Variants in SLC22A15 observed in about 807,000 individuals in gnomAD.
SLC22A15 encodes the protein solute carrier family 22 member 15, also known as flipt 1.
Under a neutral mutation model 62.7 loss-of-function variants are expected in SLC22A15, and 45 were observed. The observed-to-expected ratio is 0.72, with a 90% CI of 0.56 to 0.92. SLC22A15 has a LOEUF of 0.92. Among genes scored for constraint, SLC22A15 ranks in the 40% least tolerant of loss-of-function variants. SLC22A15 has a pLI of 0.00. For missense variants in SLC22A15, 622 were observed against 665.6 expected, an observed-to-expected ratio of 0.93 and a Z score of 0.72; for synonymous variants, 264 against 267.0, an observed-to-expected ratio of 0.99 and a Z score of 0.11.
chr1:116,037,345 A>G lies in SLC22A15; in HGVS notation c.1128A>G (p.Gly376=). ...KRTLSAFLCL[G]GLACLIVMFL... is the part of the protein sequence containing the mutation. ...CATTATCAGCATTTCTGTGCCTAGGAGGACTGGCTTGTCTTATTGTAATGT... is the reference window on the plus strand; with the variant it reads ...CATTATCAGCATTTCTGTGCCTAGGGGGACTGGCTTGTCTTATTGTAATGT... Residue 376 remains glycine (G), a synonymous_variant, in exon 8 of 12, where the codon GGA becomes GGG. Coordinates refer to ENST00000369503, the MANE Select transcript of SLC22A15 (RefSeq NM_018420.3). 6.2e-7 allele frequency: 1 copy of G among 1,613,458 alleles called. No homozygotes were observed. Among genetic ancestry groups the G allele is most frequent in the Non-Finnish European group, 8.5e-7 (1 of 1,179,510 alleles).
intron 1 of SLC22A15, among the ~76,000 whole-genome samples, chr1:115,983,124 A>G (rs1256259567): frequency 6.6e-6 from 1 of 152,228 alleles, no homozygotes; most frequent in East Asian, 1.9e-4. Flanking sequence ...TTCTAAAAAC[A>G]TTTCCAAATA....
intron 1 of SLC22A15, among the ~76,000 whole-genome samples, chr1:115,980,110 G>T (rs1654542155): frequency 6.6e-6 from 1 of 151,442 alleles, no homozygotes; most frequent in South Asian, 2.1e-4. Context: ...TTGCAGAAGA[G>T]GAAACTGTAA....
intron 3 of SLC22A15, among the ~76,000 whole-genome samples, chr1:116,020,333 A>T (rs1289186803): frequency 6.6e-6 from 1 of 151,586 alleles, no homozygotes; most frequent in Non-Finnish European, 1.5e-5. Flanking sequence ...TGGGTGGATC[A>T]CGAGGTCAGG....
chr1:115,980,163 G>A (rs527719484), intron 1 of SLC22A15, among the ~76,000 whole-genome samples: 7 of 152,058 alleles, frequency 4.6e-5, no homozygotes, highest in Non-Finnish European at 1.0e-4. Context: ...GTGGTCATCT[G>A]GGACAGGCAT....
chr1:116,005,092 T>C (rs1655912898), intron 2 of SLC22A15, among the ~76,000 whole-genome samples: 1 of 152,240 alleles, frequency 6.6e-6, no homozygotes, highest in South Asian at 2.1e-4. Flanking sequence ...TTATAGAGAT[T>C]TGTCAATATT....
chr1:116,061,931 G>C (rs937925036), intron 8 of SLC22A15, among the ~76,000 whole-genome samples: 2 of 152,144 alleles, frequency 1.3e-5, no homozygotes, highest in African/African-American at 4.8e-5. Flanking sequence ...AACATCGGCT[G>C]GGCGTGGTGG....
At chr1:116,042,603 A>T (rs1387635215) in intron 8 of SLC22A15, among the ~76,000 whole-genome samples, 1 of 152,212 alleles carries the variant, frequency 6.6e-6, no homozygotes, top group Non-Finnish European at 1.5e-5. Context: ...TTTGATAAAA[A>T]CTATAAACAC....
At chr1:115,984,394 T>C (rs1213659226) in intron 1 of SLC22A15, among the ~76,000 whole-genome samples, 1 of 152,212 alleles carries the variant, frequency 6.6e-6, no homozygotes, top group African/African-American at 2.4e-5. Context: ...CTTTGTGCTC[T>C]CATGAACTTC....
At chr1:116,057,214 A>G (rs1658232755) in intron 8 of SLC22A15, among the ~76,000 whole-genome samples, 1 of 151,890 alleles carries the variant, frequency 6.6e-6, no homozygotes, top group Non-Finnish European at 1.5e-5. Context: ...TTACAAGAAA[A>G]AAACAAACAA....
At chr1:116,059,649 T>C (rs905459334) in intron 8 of SLC22A15, among the ~76,000 whole-genome samples, 6 of 152,206 alleles carry the variant, frequency 3.9e-5, no homozygotes, top group Non-Finnish European at 7.3e-5. Context: ...GCAAAATGCA[T>C]TGTGATTCTT....
chr1:115,980,280 T>C (rs1654548704), intron 1 of SLC22A15, among the ~76,000 whole-genome samples: 2 of 152,172 alleles, frequency 1.3e-5, no homozygotes, highest in South Asian at 4.1e-4. Flanking sequence ...ATACCCCATT[T>C]AGAGAACAAT....
At chr1:115,983,461 T>A (rs1654709456) in intron 1 of SLC22A15, among the ~76,000 whole-genome samples, 4 of 152,204 alleles carry the variant, frequency 2.6e-5, no homozygotes, top group African/African-American at 9.6e-5. Context: ...TGTGTGTGTA[T>A]GTGTGTTTAT....
At chr1:115,988,742 A>G (rs1468716643) in intron 1 of SLC22A15, among the ~76,000 whole-genome samples, 1 of 150,046 alleles carries the variant, frequency 6.7e-6, no homozygotes, top group African/African-American at 2.5e-5. Context: ...CATGTTGGTC[A>G]GGCTGGTCTT....
At chr1:115,983,477 A>T (rs1048503871) in intron 1 of SLC22A15, among the ~76,000 whole-genome samples, 8 of 152,180 alleles carry the variant, frequency 5.3e-5, no homozygotes, top group Admixed American at 4.6e-4. Context: ...TTTATGTAAG[A>T]TTATATATGT....
At chr1:116,030,262 T>C (rs1211463207) in intron 5 of SLC22A15, among the ~76,000 whole-genome samples, 3 of 152,190 alleles carry the variant, frequency 2.0e-5, no homozygotes, top group African/African-American at 7.2e-5. Flanking sequence ...CATTACTCTG[T>C]ACAAAATTGA....
chr1:116,001,617 A>G (rs1051660739), intron 2 of SLC22A15, among the ~76,000 whole-genome samples: 1 of 151,922 alleles, frequency 6.6e-6, no homozygotes, highest in Non-Finnish European at 1.5e-5. Flanking sequence ...TCTGCTCTTG[A>G]GAGATTCTGG....
chr1:116,056,069 G>A (rs1658199701), intron 8 of SLC22A15, among the ~76,000 whole-genome samples: 1 of 137,762 alleles, frequency 7.3e-6, no homozygotes, highest in Non-Finnish European at 1.6e-5. Context: ...AATTATGCAG[G>A]AGAAGGAAAT....
chr1:116,031,577 A>T lies in SLC22A15; in HGVS notation c.940A>T (p.Ile314Phe). Reference sequence around the variant, plus strand: ...AGGACACACTTTGATCCTGATGTTCATCTGGTAATTATACTAAGGCGTGTT... The same window carrying T: ...AGGACACACTTTGATCCTGATGTTCTTCTGGTAATTATACTAAGGCGTGTT... ...LLGHTLILMF[I>F]WFVCSLVYYG... Residue 314 changes from isoleucine (I) to phenylalanine (F), a missense_variant, in exon 6 of 12, where the codon ATC (isoleucine) becomes TTC (phenylalanine). Physicochemically the swap from Ile to Phe is conservative, Grantham distance 21. Transcript: ENST00000369503. 1 of 1,613,608 alleles carries T rather than the reference A, an allele frequency of 6.2e-7. No homozygotes were observed. Among genetic ancestry groups the T allele is most frequent in the Non-Finnish European group, 8.5e-7 (1 of 1,179,748 alleles).
chr1:115,992,263 A>G lies in SLC22A15; in HGVS notation c.300+20A>G. 1.9e-6 allele frequency: 3 copies of G among 1,540,530 alleles called. No individual in the cohort carries two copies. Among genetic ancestry groups the G allele is most frequent in the Non-Finnish European group, 2.6e-6 (3 of 1,134,792 alleles). On this transcript the variant is annotated intron_variant, in intron 2 of 11. Transcript: ENST00000369503. ...TCGGAGGTAACAACAGGCTGTTTCA[A>G]TCACTAAATAAATGTCTCTCTTTGT...
Sources: gnomAD v4.1 joint callset for allele counts (sites outside exome capture counted in the v4.1 genomes callset) on GRCh38, gnomAD v4.1.1 for gene constraint, MANE v1.5 for transcripts, NCBI Gene and HGNC (gene_info 2026-07-23, HGNC 2026-07-21) for gene names.